CPNE4: variants seen among roughly 807,000 people sequenced by gnomAD.
CPNE4 encodes the protein copine 4, also known as copine-4.
A neutral mutation model predicts 67.9 loss-of-function variants in CPNE4; 25 were observed. The ratio of observed to expected loss-of-function variants is 0.37; its 90% confidence interval spans 0.27 to 0.51. CPNE4 has a LOEUF of 0.51. CPNE4 is among the 20% of genes least tolerant of loss of function. The pLI is 0.93. For synonymous variants in CPNE4, 242 were observed against 244.9 expected (o/e 0.99, Z 0.11); for missense variants, 464 against 690.8 (o/e 0.67, Z 3.68).
intron 2 of CPNE4, among the ~76,000 whole-genome samples, chr3:131,823,124 C>A (rs1366027102): frequency 6.6e-6 from 1 of 152,226 alleles, no homozygotes; most frequent in Non-Finnish European, 1.5e-5. Context: ...CAGGCATGAG[C>A]CACTGCGCCC....
intron 2 of CPNE4, among the ~76,000 whole-genome samples, chr3:131,863,161 A>G (rs1350348097): frequency 6.6e-6 from 1 of 152,236 alleles, no homozygotes; most frequent in Non-Finnish European, 1.5e-5. Flanking sequence ...TAGTGCAACA[A>G]TAAATATACG....
intron 11 of CPNE4, among the ~76,000 whole-genome samples, chr3:131,558,523 T>C (rs1936589420): frequency 1.3e-5 from 2 of 151,708 alleles, no homozygotes; most frequent in Non-Finnish European, 2.9e-5. Flanking sequence ...CAGAATAAAA[T>C]AGTATAAAAT....
chr3:131,569,386 G>A (rs1937215797), intron 10 of CPNE4, among the ~76,000 whole-genome samples: 1 of 151,998 alleles, frequency 6.6e-6, no homozygotes, highest in East Asian at 1.9e-4. Flanking sequence ...TATAATCCCA[G>A]TGCTTTGGGA....
chr3:131,581,838 C>A (rs1937857167), intron 8 of CPNE4, among the ~76,000 whole-genome samples, 173 bp from the exon 9 acceptor site: 2 of 152,276 alleles, frequency 1.3e-5, no homozygotes, highest in Middle Eastern at 3.4e-3. Context: ...GAGAGTGATA[C>A]TCACTGTCAG....
In CPNE4 at chr3:131,535,273, C is replaced by A. The variant is rs762098925; in HGVS notation, c.1596G>T (p.Val532=). The stretch of plus-strand genomic sequence containing the variant: ...TAATTCCTTTGCCATTGTAATAGTC[C>A]ACAACTTGGTTTGGGACTTCAGCCA... ...SVLAEVPNQV[V]DYYNGKGIKP... is the part of the protein sequence containing the mutation. Residue 532 remains valine (V), a synonymous_variant, in exon 16 of 16, where the codon GTG becomes GTT. Coordinates refer to ENST00000429747, the MANE Select transcript of CPNE4 (RefSeq NM_130808.3). The A allele has an allele frequency of 6.8e-6, 11 of 1,613,698 alleles. No individual in the cohort carries two copies. The African/African-American group carries it at 1.5e-4, about 22-fold the overall frequency.
chr3:131,802,497 T>C (rs1344390315), intron 2 of CPNE4, among the ~76,000 whole-genome samples: 2 of 152,080 alleles, frequency 1.3e-5, no homozygotes, highest in African/African-American at 4.8e-5. Context: ...GCATTTTCTG[T>C]GTTATAAAAT....
Position 131,747,234 on chromosome 3 carries a change from C to G in CPNE4, c.181-23609G>C, listed in dbSNP as rs2082513923. On this transcript the variant is annotated intron_variant, in intron 2 of 15. Coordinates refer to ENST00000429747, the MANE Select transcript of CPNE4 (RefSeq NM_130808.3). ...TTTTCTCCCATTCTATGGATTGTCT[C>G]TTTGTTCTGTTGATTGATTATTTTG... 2.0e-5 allele frequency among the ~76,000 whole-genome samples: 3 copies of G among 151,120 alleles called. No individual in the cohort carries two copies. In the South Asian group the frequency reaches 6.3e-4, roughly 32 times the overall value.
chr3:131,665,734 C>T (rs1190679077), intron 7 of CPNE4, among the ~76,000 whole-genome samples: 1 of 151,884 alleles, frequency 6.6e-6, no homozygotes, highest in Admixed American at 6.6e-5. Context: ...GGGAAAATCA[C>T]TATAAACAAT....
In CPNE4 at chr3:131,905,459, TA is replaced by T; in HGVS notation, c.-1-16del. 6.3e-7 allele frequency: 1 copy of T among 1,598,772 alleles called. No individual in the cohort carries two copies. The highest frequency in any genetic ancestry group is 8.5e-7 in the Non-Finnish European group (1 of 1,171,412). ...TCTTCTTCATTCTGTTTTAGGCAAGTAAAAGAATAAAAAAGAAGTGCCAATC... is the reference window on the plus strand; with the variant it reads ...TCTTCTTCATTCTGTTTTAGGCAAGTAAAGAATAAAAAAGAAGTGCCAATC... On this transcript the variant is annotated splice_polypyrimidine_tract_variant and intron_variant, in intron 1 of 15. Coordinates refer to ENST00000429747, the MANE Select transcript of CPNE4 (RefSeq NM_130808.3).
chr3:131,960,069 C>T (rs1252654434), intron 1 of CPNE4, among the ~76,000 whole-genome samples: 3 of 148,440 alleles, frequency 2.0e-5, no homozygotes, highest in Non-Finnish European at 3.0e-5. Flanking sequence ...TGGACATGAG[C>T]GAGACAGAGT....
At chr3:132,021,848 G>T (rs905809000) in intron 1 of CPNE4, among the ~76,000 whole-genome samples, 1 of 152,144 alleles carries the variant, frequency 6.6e-6, no homozygotes, top group Non-Finnish European at 1.5e-5. Flanking sequence ...CCTATTGGAA[G>T]TATTCACAAA....
In CPNE4 at chr3:131,695,670, C is replaced by T. The variant is rs922177057; in HGVS notation, c.507+872G>A. On this transcript the variant is annotated intron_variant, in intron 5 of 15. Transcript: ENST00000429747. ...GTGAAAAGGTGAAGTTAAAAGCTTG[C>T]TCCCAACTGACATCTATGCACACTG... Among the ~76,000 whole-genome samples the T allele has an allele frequency of 1.1e-4, 16 of 152,312 alleles. 1 individual carries two copies. The highest frequency in any genetic ancestry group is 6.5e-4 in the Admixed American group (10 of 15,296).
At chr3:131,588,350 T>A (rs1371146229) in intron 7 of CPNE4, among the ~76,000 whole-genome samples, 1 of 151,770 alleles carries the variant, frequency 6.6e-6, no homozygotes, top group African/African-American at 2.4e-5. Flanking sequence ...GAAGAGGAGG[T>A]CTCCACGTAC....
intron 10 of CPNE4, among the ~76,000 whole-genome samples, chr3:131,572,140 A>G (rs1937368042): frequency 6.6e-6 from 1 of 152,070 alleles, no homozygotes; most frequent in African/African-American, 2.4e-5. Context: ...TTAAGATTGA[A>G]CCAGAAGCAC....
intron 1 of CPNE4, among the ~76,000 whole-genome samples, chr3:131,911,543 TTG>T (rs3041573): frequency 0.2 from 29,393 of 145,602 alleles, 3,104 homozygotes; most frequent in South Asian, 0.28. Context: ...GCACTCCAAG[TTG>T]TGTGTGTGTG....
intron 2 of CPNE4, among the ~76,000 whole-genome samples, chr3:131,752,488 A>G (rs2082653834): frequency 6.6e-6 from 1 of 152,128 alleles, no homozygotes; most frequent in South Asian, 2.1e-4. Context: ...AGGCAGAAAA[A>G]CAAACAAAAA....
chr3:131,849,331 C>T (rs1433630435), intron 2 of CPNE4, among the ~76,000 whole-genome samples: 2 of 152,108 alleles, frequency 1.3e-5, no homozygotes, highest in Non-Finnish European at 2.9e-5. Context: ...TTAATTGGCT[C>T]ACAGTTCTTC....
chr3:131,677,750 G>A (rs2080620770), intron 6 of CPNE4, among the ~76,000 whole-genome samples: 1 of 152,078 alleles, frequency 6.6e-6, no homozygotes, highest in Admixed American at 6.6e-5. Flanking sequence ...GAAGGTGGGT[G>A]GTCATATTTC....
intron 7 of CPNE4, among the ~76,000 whole-genome samples, chr3:131,596,345 G>A (rs904476143): frequency 4.3e-5 from 5 of 116,850 alleles, no homozygotes; most frequent in Admixed American, 7.6e-5. Context: ...TAAAGCGGCC[G>A]GGCGCGGTGG....
Sources: gnomAD v4.1 joint callset for allele counts (sites outside exome capture counted in the v4.1 genomes callset) on GRCh38, gnomAD v4.1.1 for gene constraint, MANE v1.5 for transcripts, NCBI Gene and HGNC (gene_info 2026-07-23, HGNC 2026-07-21) for gene names.